Variants in COL22A1 observed in about 807,000 individuals in gnomAD.
COL22A1 encodes the protein collagen alpha-1(XXII) chain.
In COL22A1, 221 loss-of-function variants were observed where a neutral mutation model predicts 248.9. The observed-to-expected ratio is 0.89, with a 90% confidence interval of 0.80 to 0.99. The LOEUF is 0.99. Among genes scored for constraint, COL22A1 ranks in the 50% least tolerant of loss-of-function variants. The probability of loss-of-function intolerance (pLI) is 0.00; values close to 1 mark genes in which losing one functional copy is unlikely to be tolerated. For synonymous variants in COL22A1, 891 were observed against 793.4 expected, an observed-to-expected ratio of 1.12 and a Z score of -2.07; for missense variants, 2,240 against 2,179.0, an observed-to-expected ratio of 1.03 and a Z score of -0.56.
At chr8:138,788,277 A>G (rs557908334) in intron 12 of COL22A1, among the ~76,000 whole-genome samples, 1 of 152,300 alleles carries the variant, frequency 6.6e-6, no homozygotes, top group South Asian at 2.1e-4. Flanking sequence ...TTTGACAATC[A>G]TTTGCCAGCA....
At chr8:138,737,061 G>A (rs1304594849) in intron 23 of COL22A1, among the ~76,000 whole-genome samples, 1 of 152,118 alleles carries the variant, frequency 6.6e-6, no homozygotes, top group Non-Finnish European at 1.5e-5. Flanking sequence ...GGCACCACAT[G>A]CTGCTCCATT....
At chr8:138,857,321 G>T (rs116746466) in intron 3 of COL22A1, among the ~76,000 whole-genome samples, 1 of 152,246 alleles carries the variant, frequency 6.6e-6, no homozygotes, top group Admixed American at 6.5e-5. Flanking sequence ...AGCTTCAGAA[G>T]ATGGACATGA....
At chr8:138,618,287 C>A (rs572449083) in intron 53 of COL22A1, among the ~76,000 whole-genome samples, 8 of 152,322 alleles carry the variant, frequency 5.3e-5, no homozygotes, top group Middle Eastern at 3.4e-3. Context: ...TGAAAACCCA[C>A]TCCATTCTAC....
At chr8:138,650,004 C>T (rs1241638823) in intron 45 of COL22A1, among the ~76,000 whole-genome samples, 1 of 152,214 alleles carries the variant, frequency 6.6e-6, no homozygotes, top group East Asian at 1.9e-4. Flanking sequence ...TCAGCACTGA[C>T]ATATCTGGAT....
intron 47 of COL22A1, among the ~76,000 whole-genome samples, chr8:138,643,462 T>C (rs1821898489): frequency 6.6e-6 from 1 of 152,194 alleles, no homozygotes; most frequent in Admixed American, 6.5e-5. Context: ...ATAGAATTAT[T>C]GGTTTTTTGC....
intron 1 of COL22A1, among the ~76,000 whole-genome samples, chr8:138,899,497 G>A (rs1814385997): frequency 6.6e-6 from 1 of 152,196 alleles, no homozygotes; most frequent in African/African-American, 2.4e-5. Flanking sequence ...GAACTTGCGT[G>A]CATTAATACG....
intron 4 of COL22A1, among the ~76,000 whole-genome samples, chr8:138,838,767 T>A (rs548878187): frequency 6.6e-6 from 1 of 151,102 alleles, no homozygotes; most frequent in East Asian, 2.0e-4. Context: ...CAAGGCACTG[T>A]GAGATAAAAA....
chr8:138,591,856 C>A (rs552667935), intron 63 of COL22A1, among the ~76,000 whole-genome samples: 1 of 152,334 alleles, frequency 6.6e-6, no homozygotes, highest in African/African-American at 2.4e-5. Context: ...TGTATACATA[C>A]ACTCATATTC....
intron 50 of COL22A1, among the ~76,000 whole-genome samples, chr8:138,630,025 G>T (rs1372403129): frequency 6.6e-6 from 1 of 152,162 alleles, no homozygotes; most frequent in Non-Finnish European, 1.5e-5. Flanking sequence ...GTCAGATGGA[G>T]ATAAGGAATA....
chr8:138,666,426 T>C (rs1042033087), intron 41 of COL22A1, among the ~76,000 whole-genome samples: 1 of 152,198 alleles, frequency 6.6e-6, no homozygotes, highest in African/African-American at 2.4e-5. Context: ...TATCAACATT[T>C]CATTGCTATA....
At chr8:138,662,796 G>A (rs1479171942) in intron 42 of COL22A1, among the ~76,000 whole-genome samples, 6 of 152,050 alleles carry the variant, frequency 3.9e-5, no homozygotes, top group South Asian at 2.1e-4. Flanking sequence ...GAAATCTCAC[G>A]TCTATCAGTT....
intron 3 of COL22A1, among the ~76,000 whole-genome samples, chr8:138,876,526 A>G (rs1019615780): frequency 6.6e-6 from 1 of 152,240 alleles, no homozygotes; most frequent in Admixed American, 6.5e-5. Flanking sequence ...AGCCCTGATA[A>G]GTATCTGTTG....
At chr8:138,851,038 G>A (rs972514040) in intron 3 of COL22A1, among the ~76,000 whole-genome samples, 4 of 152,376 alleles carry the variant, frequency 2.6e-5, no homozygotes, top group Middle Eastern at 3.4e-3. Context: ...TCCCGTGCTA[G>A]TGGAGGAGGC....
intron 62 of COL22A1, among the ~76,000 whole-genome samples, chr8:138,596,007 C>G (rs1338253094): frequency 6.6e-6 from 1 of 152,126 alleles, no homozygotes; most frequent in African/African-American, 2.4e-5. Flanking sequence ...CCAGATCTTC[C>G]CAGCTCATCA....
chr8:138,627,599 T>C (rs578140022), intron 50 of COL22A1, among the ~76,000 whole-genome samples: 1 of 152,334 alleles, frequency 6.6e-6, no homozygotes, highest in Admixed American at 6.5e-5. Flanking sequence ...ATCAATTCCA[T>C]TGGCAGAGAG....
At chr8:138,590,571 C>T (rs567163414) in intron 64 of COL22A1, among the ~76,000 whole-genome samples, 10 of 151,798 alleles carry the variant, frequency 6.6e-5, no homozygotes, top group African/African-American at 2.4e-4. Flanking sequence ...TCTTATCTAA[C>T]AAAAATAATA....
At chr8:138,842,847 C>T (rs1351761336) in intron 4 of COL22A1, among the ~76,000 whole-genome samples, 1 of 152,146 alleles carries the variant, frequency 6.6e-6, no homozygotes, top group Non-Finnish European at 1.5e-5. Flanking sequence ...CAGCAGGTGC[C>T]CCACCTCGAG....
At chr8:138,650,231 G>C (rs928026289) in intron 45 of COL22A1, among the ~76,000 whole-genome samples, 1 of 152,210 alleles carries the variant, frequency 6.6e-6, no homozygotes, top group African/African-American at 2.4e-5. Context: ...TGCCCGTCAA[G>C]TGGTTTCTGA....
intron 41 of COL22A1, among the ~76,000 whole-genome samples, chr8:138,664,802 G>A (rs1824350461): frequency 1.3e-5 from 2 of 152,142 alleles, no homozygotes; most frequent in African/African-American, 2.4e-5. Context: ...TAAAGCACGA[G>A]GAGAACTTGA....
Sources: gnomAD v4.1 joint callset for allele counts (sites outside exome capture counted in the v4.1 genomes callset) on GRCh38, gnomAD v4.1.1 for gene constraint, MANE v1.5 for transcripts, NCBI Gene and HGNC (gene_info 2026-07-23, HGNC 2026-07-21) for gene names.